FKBP5: variants seen among roughly 807,000 people sequenced by gnomAD.
FKBP5 encodes peptidyl-prolyl cis-trans isomerase FKBP5.
Under a neutral mutation model 50.5 loss-of-function variants are expected in FKBP5, and 23 were observed. That is an observed-to-expected ratio of 0.46 (90% CI 0.33 to 0.65). The LOEUF (loss-of-function observed/expected upper bound fraction) is 0.65, where lower values mean the gene tolerates loss of function less well. FKBP5 is among the 30% of genes least tolerant of loss of function. The pLI, the probability that FKBP5 is intolerant of heterozygous loss-of-function variation, is 0.02. For synonymous variants in FKBP5, 176 were observed against 190.6 expected, an observed-to-expected ratio of 0.92 and a Z score of 0.63; for missense variants, 411 against 553.1, an observed-to-expected ratio of 0.74 and a Z score of 2.58.
intron 1 of FKBP5, among the ~76,000 whole-genome samples, chr6:35,671,263 CA>C (rs760437984): frequency 0.014 from 1,847 of 128,864 alleles, 21 homozygotes; most frequent in Middle Eastern, 0.032. Context: ...AATCCTGTCT[CA>C]AAAAAAAAAA....
intron 1 of FKBP5, among the ~76,000 whole-genome samples, chr6:35,664,438 T>A (rs1207957215): frequency 6.6e-6 from 1 of 152,158 alleles, no homozygotes; most frequent in Admixed American, 6.5e-5. Context: ...TTTAAAATAA[T>A]CATCAAATTT....
intron 2 of FKBP5, among the ~76,000 whole-genome samples, chr6:35,696,366 G>A (rs1363480633): frequency 4.0e-5 from 6 of 151,618 alleles, no homozygotes; most frequent in African/African-American, 1.5e-4. Context: ...CAAAAAATTA[G>A]CCCAGCATGG....
At chr6:35,719,067 C>A (rs1343431350) in intron 2 of FKBP5, among the ~76,000 whole-genome samples, 1 of 152,190 alleles carries the variant, frequency 6.6e-6, no homozygotes, top group Non-Finnish European at 1.5e-5. Context: ...AGCCTCTCTG[C>A]TCCAAGAAGT....
At chr6:35,648,871 C>T (rs1301345518) in intron 1 of FKBP5, among the ~76,000 whole-genome samples, 2 of 152,054 alleles carry the variant, frequency 1.3e-5, no homozygotes, top group Non-Finnish European at 2.9e-5. Context: ...ATCGCTTGAA[C>T]CCTGGAGACG....
intron 9 of FKBP5, 151 bp downstream of exon 9, chr6:35,579,885 T>C: frequency 3.4e-6 from 2 of 590,920 alleles, no homozygotes; most frequent in Non-Finnish European, 2.9e-6. Flanking sequence ...TCCCAATTCA[T>C]ACTGAGAAAC....
At position 35,677,376 on chromosome 6, in the gene FKBP5, C is replaced by T. The variant is rs139182544; in HGVS notation, c.-20+11428G>A. Among the ~76,000 whole-genome samples the T allele has an allele frequency of 2.8e-3, 426 of 152,144 alleles. 1 individual carries two copies. Among genetic ancestry groups the T allele is most frequent in the African/African-American group, 9.6e-3 (399 of 41,486 alleles). On this transcript the variant is annotated intron_variant, in intron 1 of 10. Coordinates refer to ENST00000357266, the MANE Select transcript of FKBP5 (RefSeq NM_004117.4). ...GCATGAGCCACCACACCCAGCCCAG[C>T]AAAGGTGGATTTTTAAAGGGAACTA...
At chr6:35,610,591 A>AAAAAAAAAAAAAAAAAG (rs71002577) in intron 5 of FKBP5, among the ~76,000 whole-genome samples, 1 of 147,980 alleles carries the variant, frequency 6.8e-6, no homozygotes, top group Non-Finnish European at 1.5e-5. Flanking sequence ...AAAAAAAAAA[A>AAAAAAAAAAAAAAAAAG]GTTTCAAAAA....
Position 35,647,562 on chromosome 6 carries a change from T to C in FKBP5, c.-19-4719A>G, listed in dbSNP as rs181416619. Among the ~76,000 whole-genome samples the C allele has an allele frequency of 2.1e-3, 316 of 152,230 alleles. 1 individual carries two copies. The highest frequency in any genetic ancestry group is 6.9e-3 in the African/African-American group (286 of 41,532). On this transcript the variant is annotated intron_variant, in intron 1 of 10. Coordinates refer to ENST00000357266, the MANE Select transcript of FKBP5 (RefSeq NM_004117.4). ...AGAAAGTTGCCTCCCAAACACCAAC[T>C]GTTAAGAGCAGCTCTTCCCAGGGAG...
chr6:35,723,661 G>T (rs892147067), intron 1 of FKBP5, among the ~76,000 whole-genome samples: 1 of 152,198 alleles, frequency 6.6e-6, no homozygotes, highest in Non-Finnish European at 1.5e-5. Flanking sequence ...AAAGAAGAAG[G>T]TCAGAAAGAC....
At chr6:35,718,880 G>A (rs1021448472) in intron 2 of FKBP5, among the ~76,000 whole-genome samples, 2 of 152,194 alleles carry the variant, frequency 1.3e-5, no homozygotes, top group Non-Finnish European at 2.9e-5. Flanking sequence ...AACTACACAG[G>A]GGCCCTAAAC....
chr6:35,607,469 G>C (rs1581808860), intron 5 of FKBP5, among the ~76,000 whole-genome samples: 1 of 152,032 alleles, frequency 6.6e-6, no homozygotes, highest in East Asian at 1.9e-4. Flanking sequence ...CTCCCAAAGT[G>C]CTGGGATTAC....
chr6:35,659,490 G>A (rs7775489), intron 1 of FKBP5, among the ~76,000 whole-genome samples: 9,150 of 83,478 alleles, frequency 0.11, 3,506 homozygotes, highest in East Asian at 0.16. Context: ...CAGGTGATCC[G>A]CCTACCTCAG....
intron 7 of FKBP5, among the ~76,000 whole-genome samples, chr6:35,589,291 G>A (rs1762741774): frequency 6.6e-6 from 1 of 151,246 alleles, no homozygotes; most frequent in African/African-American, 2.4e-5. Context: ...ACCACGTCCA[G>A]CTAATTTTTC....
chr6:35,710,405 T>C (rs1766393169), intron 2 of FKBP5, among the ~76,000 whole-genome samples: 1 of 151,766 alleles, frequency 6.6e-6, no homozygotes, highest in South Asian at 2.1e-4. Flanking sequence ...AGGTTGAGGC[T>C]ATAGTGAGTC....
At chr6:35,683,016 GTATA>G (rs997768622) in intron 1 of FKBP5, among the ~76,000 whole-genome samples, 1 of 150,662 alleles carries the variant, frequency 6.6e-6, no homozygotes, top group African/African-American at 2.4e-5. Flanking sequence ...GTGTCTGTGT[GTATA>G]TATATGTCTC....
Position 35,625,802 on chromosome 6 carries a change from T to C in FKBP5, c.251-5528A>G, listed in dbSNP as rs578052822. Among the ~76,000 whole-genome samples, 7 of 149,336 alleles carry C rather than the reference T, an allele frequency of 4.7e-5. No homozygotes were observed. The South Asian group carries it at 1.5e-3, about 32-fold the overall frequency. ...TTTATTTATTTATTTATTTTTGAGA[T>C]GGAGTCTCGCTCTGTCGCCCAGGCT... On this transcript the variant is annotated intron_variant, in intron 3 of 10. Coordinates refer to ENST00000357266, the MANE Select transcript of FKBP5 (RefSeq NM_004117.4).
chr6:35,589,796 A>G (rs1163951071), intron 7 of FKBP5, among the ~76,000 whole-genome samples: 2 of 152,250 alleles, frequency 1.3e-5, no homozygotes, highest in Non-Finnish European at 2.9e-5. Context: ...AAGAGGTTAC[A>G]TGACAACAAT....
intron 8 of FKBP5, chr6:35,586,721 G>GCCAACTAT (rs1444160201): frequency 1.2e-5 from 14 of 1,189,674 alleles, no homozygotes; most frequent in Admixed American, 8.0e-5. Flanking sequence ...CTTGTTGAGT[G>GCCAACTAT]CCAACTATGT....
chr6:35,610,567 C>CAA (rs35101873), intron 5 of FKBP5, among the ~76,000 whole-genome samples: 38,621 of 58,556 alleles, frequency 0.66, 13,881 homozygotes, highest in Non-Finnish European at 0.69. Flanking sequence ...GACTCCGTCT[C>CAA]AAAAAAAAAA....
Sources: allele counts gnomAD v4.1 joint callset (sites outside exome capture counted in the v4.1 genomes callset), GRCh38; gene constraint gnomAD v4.1.1; transcripts MANE v1.5; gene names NCBI Gene and HGNC (gene_info 2026-07-23, HGNC 2026-07-21).